Variants in DCTD observed in about 807,000 individuals in gnomAD.
DCTD encodes deoxycytidylate deaminase.
A neutral mutation model predicts 21.0 loss-of-function variants in DCTD; 23 were observed. The observed-to-expected ratio is 1.09, with a 90% CI of 0.79 to 1.55. The LOEUF (loss-of-function observed/expected upper bound fraction) is 1.55, where lower values mean the gene tolerates loss of function less well. Among genes scored for constraint, DCTD ranks in the 40% most tolerant of loss-of-function variants. DCTD has a pLI of 0.00. For missense variants in DCTD, 224 were observed against 230.0 expected (o/e 0.97, Z 0.17); for synonymous variants, 71 against 81.1 (o/e 0.88, Z 0.67).
intron 5 of DCTD, among the ~76,000 whole-genome samples, chr4:182,892,678 T>C (rs562869457): frequency 1.2e-3 from 177 of 152,244 alleles, no homozygotes; most frequent in Non-Finnish European, 2.1e-3. Context: ...GCTACTTTCA[T>C]CCTAAATTTT....
intron 3 of DCTD, among the ~76,000 whole-genome samples, chr4:182,900,094 C>A (rs187826645): frequency 6.6e-6 from 1 of 152,008 alleles, no homozygotes. Context: ...TGGGGGAGAT[C>A]GTTTGAGCTC....
Position 182,891,191 on chromosome 4 carries a change from T to C in DCTD, c.*208A>G, listed in dbSNP as rs1452229180. ...CACCAGGCCACCACAGGCTCCCCTA[T>C]TTTAAACCCTAAAGCAATAGTTCAA... is the stretch of plus-strand genomic sequence containing the variant. On this transcript the variant is annotated 3_prime_UTR_variant, in exon 6 of 6. Coordinates refer to ENST00000438320, the MANE Select transcript of DCTD (RefSeq NM_001921.3). 4 of 506,370 alleles carry C rather than the reference T, an allele frequency of 7.9e-6. No homozygotes were observed. The highest frequency in any genetic ancestry group is 1.4e-5 in the Non-Finnish European group (4 of 285,206). The allele number at this position is 506,370 out of a possible 1,614,324, so 31.4% of individuals were successfully genotyped here.
intron 3 of DCTD, among the ~76,000 whole-genome samples, chr4:182,899,884 G>A (rs1365644523): frequency 2.0e-5 from 3 of 152,156 alleles, no homozygotes; most frequent in Non-Finnish European, 4.4e-5. Flanking sequence ...AAAATGCTTA[G>A]GAGCAGAATT....
intron 5 of DCTD, among the ~76,000 whole-genome samples, chr4:182,892,402 T>C (rs1733927856): frequency 6.6e-6 from 1 of 152,308 alleles, no homozygotes; most frequent in Middle Eastern, 3.4e-3. Flanking sequence ...CCCAGGTGGC[T>C]CACACCTGTA....
At chr4:182,892,457 T>G (rs999261348) in intron 5 of DCTD, among the ~76,000 whole-genome samples, 1 of 151,966 alleles carries the variant, frequency 6.6e-6, no homozygotes, top group Non-Finnish European at 1.5e-5. Flanking sequence ...CATGAGGTCA[T>G]CCTGGCCAAC....
intron 3 of DCTD, among the ~76,000 whole-genome samples, chr4:182,895,519 C>T (rs115326264): frequency 0.013 from 1,991 of 152,320 alleles, 48 homozygotes; most frequent in African/African-American, 0.046. Context: ...TCCTCCCTCT[C>T]TCGAACCTGG....
intron 2 of DCTD, 45 bp downstream of exon 2, chr4:182,915,416 C>T (rs764535102): frequency 7.8e-7 from 1 of 1,274,458 alleles, no homozygotes. Context: ...GCAGTAATCT[C>T]TTTGCCTGTG....
intron 3 of DCTD, among the ~76,000 whole-genome samples, chr4:182,897,877 T>G (rs569697243): frequency 2.6e-4 from 39 of 152,276 alleles, no homozygotes; most frequent in African/African-American, 8.9e-4. Flanking sequence ...AAATCCAGCT[T>G]CACCTTTGTG....
chr4:182,893,311 T>C (rs1734150233), intron 4 of DCTD, among the ~76,000 whole-genome samples, 184 bp from the exon 5 acceptor site: 1 of 152,216 alleles, frequency 6.6e-6, no homozygotes, highest in South Asian at 2.1e-4. Context: ...GGGTGGATTC[T>C]ATCTAATCTT....
chr4:182,902,678 G>GAGTACTGA (rs1284307111), intron 3 of DCTD, among the ~76,000 whole-genome samples: 4 of 152,240 alleles, frequency 2.6e-5, no homozygotes, highest in Non-Finnish European at 5.9e-5. Context: ...GGTATGTTCT[G>GAGTACTGA]GTAAGTTCTG....
In DCTD at chr4:182,890,465, C is replaced by T. The variant is rs566163843; in HGVS notation, c.*934G>A. 3 of 152,334 alleles carry T rather than the reference C, an allele frequency of 2.0e-5. No homozygotes were observed. Among genetic ancestry groups the T allele is most frequent in the East Asian group, 1.9e-4 (1 of 5,180 alleles). The allele number at this position is 152,334 out of a possible 1,614,324, so 9.4% of individuals were successfully genotyped here. A position where few individuals can be genotyped will look rare whatever the true frequency, so the allele number is the denominator to read the frequency against. Reference sequence around the variant, plus strand: ...GGTGGAATTTCTCACAATCCACTCACGGGATAGGAATTAATTTTCTCTCCA... The same window carrying T: ...GGTGGAATTTCTCACAATCCACTCATGGGATAGGAATTAATTTTCTCTCCA... On this transcript the variant is annotated 3_prime_UTR_variant, in exon 6 of 6. Transcript: ENST00000438320.
intron 3 of DCTD, among the ~76,000 whole-genome samples, chr4:182,904,813 C>G (rs1736378336): frequency 6.6e-6 from 1 of 152,182 alleles, no homozygotes; most frequent in Non-Finnish European, 1.5e-5. Context: ...CTCCAGGACC[C>G]TGTGTCTGCT....
At chr4:182,901,017 T>C (rs72687816) in intron 3 of DCTD, among the ~76,000 whole-genome samples, 212 of 152,350 alleles carry the variant, frequency 1.4e-3, no homozygotes, top group Non-Finnish European at 2.7e-3. Context: ...GGCGGTTCTC[T>C]AGAAGTTTGA....
chr4:182,896,569 C>T (rs116192240), intron 3 of DCTD, among the ~76,000 whole-genome samples: 1,719 of 152,190 alleles, frequency 0.011, 29 homozygotes, highest in African/African-American at 0.039. Flanking sequence ...TAAACCCTGA[C>T]GGCATGGGAG....
At position 182,899,401 on chromosome 4, in the gene DCTD, T is replaced by TTC. The variant is rs1554049738; in HGVS notation, c.245-4797_245-4796insGA. On this transcript the variant is annotated intron_variant, in intron 3 of 5. Transcript: ENST00000438320. ...CCATAGTCACTGCCCTTTTTTTTCT[T>TTC]TTTCTTTTTTTTTTAGATGGAGTTT... 1.9e-4 allele frequency among the ~76,000 whole-genome samples: 28 copies of TTC among 149,950 alleles called. 1 individual carries two copies. The highest frequency in any genetic ancestry group is 3.4e-3 in the Middle Eastern group (1 of 294).
chr4:182,905,438 C>T (rs187741516), intron 3 of DCTD, among the ~76,000 whole-genome samples: 5 of 151,676 alleles, frequency 3.3e-5, no homozygotes, highest in Non-Finnish European at 4.4e-5. Flanking sequence ...AAGCAATTCT[C>T]CTGCCTCAGC....
At chr4:182,892,395 A>T (rs2152853744) in intron 5 of DCTD, among the ~76,000 whole-genome samples, 1 of 152,252 alleles carries the variant, frequency 6.6e-6, no homozygotes, top group Non-Finnish European at 1.5e-5. Flanking sequence ...AAGAATCCCC[A>T]GGTGGCTCAC....
chr4:182,900,196 G>A (rs1190880028), intron 3 of DCTD, among the ~76,000 whole-genome samples: 1 of 152,088 alleles, frequency 6.6e-6, no homozygotes, highest in African/African-American at 2.4e-5. Flanking sequence ...TGCACCTGTA[G>A]TCCTAGCTAC....
At position 182,891,485 on chromosome 4, in the gene DCTD, T is replaced by C. The variant is rs1424697118; in HGVS notation, c.459-8A>G. On this transcript the variant is annotated splice_region_variant and splice_polypyrimidine_tract_variant and intron_variant, in intron 5 of 5. Transcript: ENST00000438320. ...CACTTCGGTATGAATTTCCTAAAAA[T>C]AAAAACAAAATACAATTATTATCTG... 6.3e-7 allele frequency: 1 copy of C among 1,591,538 alleles called. No individual in the cohort carries two copies. Among genetic ancestry groups the C allele is most frequent in the East Asian group, 2.2e-5 (1 of 44,768 alleles).
Sources: allele counts gnomAD v4.1 joint callset (sites outside exome capture counted in the v4.1 genomes callset), GRCh38; gene constraint gnomAD v4.1.1; transcripts MANE v1.5; gene names NCBI Gene and HGNC (gene_info 2026-07-23, HGNC 2026-07-21).